ADAM22: variants seen among roughly 807,000 people sequenced by gnomAD.
ADAM22 encodes the protein ADAM metallopeptidase domain 22.
Under a neutral mutation model 144.6 loss-of-function variants are expected in ADAM22, and 65 were observed. That is an observed-to-expected ratio of 0.45 (90% CI 0.37 to 0.55). The LOEUF is 0.55. ADAM22 is among the 20% of genes least tolerant of loss of function. The probability of loss-of-function intolerance (pLI) is 0.00; values close to 1 mark genes in which losing one functional copy is unlikely to be tolerated. For synonymous variants in ADAM22, 391 were observed against 412.6 expected (o/e 0.95, Z 0.63); for missense variants, 974 against 1,184.9 (o/e 0.82, Z 2.61).
chr7:88,026,619 T>C (rs941356223), intron 3 of ADAM22, among the ~76,000 whole-genome samples: 2 of 152,238 alleles, frequency 1.3e-5, no homozygotes, highest in Non-Finnish European at 2.9e-5. Context: ...TCTAATATTT[T>C]TTGGTGGAAT....
intron 3 of ADAM22, among the ~76,000 whole-genome samples, chr7:88,071,444 T>C (rs2129478876): frequency 6.6e-6 from 1 of 151,234 alleles, no homozygotes; most frequent in Non-Finnish European, 1.5e-5. Context: ...AAGCAAATTA[T>C]GTTGATCAAG....
At chr7:88,047,764 G>A (rs772328235) in intron 3 of ADAM22, among the ~76,000 whole-genome samples, 10 of 151,906 alleles carry the variant, frequency 6.6e-5, no homozygotes, top group South Asian at 2.1e-4. Context: ...TTATTTTAGC[G>A]GGATCTTTCA....
At chr7:87,958,433 T>A (rs1847295701) in intron 2 of ADAM22, among the ~76,000 whole-genome samples, 1 of 152,114 alleles carries the variant, frequency 6.6e-6, no homozygotes, top group Non-Finnish European at 1.5e-5. Flanking sequence ...TTTCCCAGGC[T>A]GGAGTGCAAT....
rs12674310 is a variant in ADAM22 at position 87,979,636 on chromosome 7, T to A, written c.323+1224T>A. Among the ~76,000 whole-genome samples, 791 of 152,240 alleles carry A rather than the reference T, an allele frequency of 5.2e-3. 12 individuals carry two copies. Among genetic ancestry groups the A allele is most frequent in the East Asian group, 0.046 (236 of 5,168 alleles). ...TGGTCTATAGTCTTTTTCCTACCCC[T>A]GCAATGTAAGCTCTTTGAGGGCAGA... is the stretch of plus-strand genomic sequence containing the variant. On this transcript the variant is annotated intron_variant, in intron 3 of 31. Coordinates refer to ENST00000413139, the MANE Select transcript of ADAM22 (RefSeq NM_001324418.2).
chr7:87,991,394 C>G (rs1280368761), intron 3 of ADAM22, among the ~76,000 whole-genome samples: 2 of 118,890 alleles, frequency 1.7e-5, no homozygotes, highest in African/African-American at 3.3e-5. Context: ...GAGTCTCGCT[C>G]TGTCGCCCAG....
chr7:88,069,878 T>C (rs1301528152), intron 3 of ADAM22, among the ~76,000 whole-genome samples: 2 of 152,184 alleles, frequency 1.3e-5, no homozygotes, highest in African/African-American at 4.8e-5. Flanking sequence ...CTGAATCAGG[T>C]ATGTCACTGG....
At position 88,030,678 on chromosome 7, in the gene ADAM22, C is replaced by T. The variant is rs576881499; in HGVS notation, c.324-44948C>T. On this transcript the variant is annotated intron_variant, in intron 3 of 31. Transcript: ENST00000413139. ...GATCTCGTTGTTTGAAAGTGTGTAG[C>T]ACCTCCCTCTTTGCTCTCTCTCTCT... 2.6e-5 allele frequency among the ~76,000 whole-genome samples: 4 copies of T among 152,216 alleles called. No individual in the cohort carries two copies. The South Asian group carries it at 8.3e-4, about 32-fold the overall frequency.
intron 3 of ADAM22, among the ~76,000 whole-genome samples, chr7:88,045,516 T>C (rs1174111664): frequency 1.3e-5 from 2 of 152,234 alleles, no homozygotes. Flanking sequence ...AATTACTTTA[T>C]CTGTCACCTC....
intron 4 of ADAM22, among the ~76,000 whole-genome samples, chr7:88,101,649 A>T (rs1822965215): frequency 1.3e-5 from 2 of 152,042 alleles, no homozygotes. Flanking sequence ...CTCACCTTTT[A>T]CCTTCCATTA....
At chr7:88,153,384 T>C (rs1839022558) in intron 21 of ADAM22, 58 bp downstream of exon 21, 1 of 1,420,244 alleles carries the variant, frequency 7.0e-7, no homozygotes, top group South Asian at 1.2e-5. Flanking sequence ...GTGTACTTTT[T>C]TGAGTGACTA....
At position 88,027,011 on chromosome 7, in the gene ADAM22, T is replaced by G. The variant is rs1007132148; in HGVS notation, c.323+48599T>G. ...ATCATATGAATTTTCTTCAACATTC[T>G]GTTAATATGATGCATCACATTGATT... is the stretch of plus-strand genomic sequence containing the variant. On this transcript the variant is annotated intron_variant, in intron 3 of 31. Transcript: ENST00000413139. Among the ~76,000 whole-genome samples the G allele has an allele frequency of 1.3e-3, 200 of 152,244 alleles. 2 individuals carry two copies. Among genetic ancestry groups the G allele is most frequent in the Non-Finnish European group, 4.0e-4 (27 of 68,038 alleles).
chr7:88,117,109 T>C (rs1465215598), intron 7 of ADAM22, among the ~76,000 whole-genome samples: 1 of 152,240 alleles, frequency 6.6e-6, no homozygotes, highest in Non-Finnish European at 1.5e-5. Flanking sequence ...ACAAATTCAC[T>C]CTTTGTGAAA....
chr7:87,951,873 A>T (rs1845306912), intron 2 of ADAM22, among the ~76,000 whole-genome samples: 2 of 139,028 alleles, frequency 1.4e-5, no homozygotes, highest in African/African-American at 5.6e-5. Flanking sequence ...TGTAAGTTGG[A>T]TTCCTAGGTA....
chr7:88,094,726 G>A (rs1042351762), intron 4 of ADAM22, among the ~76,000 whole-genome samples: 2 of 152,124 alleles, frequency 1.3e-5, no homozygotes, highest in East Asian at 3.9e-4. Flanking sequence ...TAGATTTTTG[G>A]ACAGAGTAAA....
chr7:88,057,684 G>A (rs903955103), intron 3 of ADAM22, among the ~76,000 whole-genome samples: 1 of 152,164 alleles, frequency 6.6e-6, no homozygotes, highest in Non-Finnish European at 1.5e-5. Flanking sequence ...TTGTCTAGGT[G>A]TGATTACTAT....
intron 2 of ADAM22, among the ~76,000 whole-genome samples, chr7:87,945,168 A>T (rs1843393148): frequency 6.6e-6 from 1 of 152,008 alleles, no homozygotes. Flanking sequence ...AGTTTTTCAT[A>T]CTCTAAAAAA....
chr7:88,093,897 A>C (rs1218519701), intron 4 of ADAM22, among the ~76,000 whole-genome samples: 1 of 152,206 alleles, frequency 6.6e-6, no homozygotes, highest in African/African-American at 2.4e-5. Flanking sequence ...GAAAAAGAGC[A>C]GATGGACTTG....
chr7:88,027,924 G>A (rs995111886), intron 3 of ADAM22, among the ~76,000 whole-genome samples: 4 of 152,064 alleles, frequency 2.6e-5, no homozygotes, highest in Middle Eastern at 3.4e-3. Flanking sequence ...CTGAGTAGCT[G>A]GGGTTACAGG....
chr7:87,971,768 G>T (rs1323993166), intron 2 of ADAM22, among the ~76,000 whole-genome samples: 2 of 152,172 alleles, frequency 1.3e-5, no homozygotes, highest in Non-Finnish European at 2.9e-5. Flanking sequence ...AAACTAAAAA[G>T]GCAGGGTCTA....
Sources: allele counts gnomAD v4.1 joint callset (sites outside exome capture counted in the v4.1 genomes callset), GRCh38; gene constraint gnomAD v4.1.1; transcripts MANE v1.5; gene names NCBI Gene and HGNC (gene_info 2026-07-23, HGNC 2026-07-21).